Variants in KAZN observed in about 807,000 individuals in gnomAD.
KAZN encodes kazrin, periplakin interacting protein, also known as kazrin.
A neutral mutation model predicts 87.4 loss-of-function variants in KAZN; 40 were observed. The observed-to-expected ratio is 0.46, with a 90% CI of 0.36 to 0.60. KAZN has a LOEUF of 0.60. Ranked by LOEUF, KAZN falls within the 20% of genes least tolerant of loss-of-function variation. The pLI is 0.00. For missense variants in KAZN, 898 were observed against 1,073.9 expected (o/e 0.84, Z 2.29); for synonymous variants, 466 against 458.3 (o/e 1.02, Z -0.22).
At chr1:14,786,453 C>T (rs16850843) in intron 1 of KAZN, among the ~76,000 whole-genome samples, 3,491 of 152,248 alleles carry the variant, frequency 0.023, 132 homozygotes, top group African/African-American at 0.078. Context: ...CTCAATCGTA[C>T]GTCCTTTGTG....
At chr1:14,935,871 C>T (rs1660394213) in intron 1 of KAZN, among the ~76,000 whole-genome samples, 3 of 152,170 alleles carry the variant, frequency 2.0e-5, no homozygotes, top group Non-Finnish European at 4.4e-5. Context: ...GTGGGGCAAG[C>T]GGAGCTGCAG....
intron 2 of KAZN, among the ~76,000 whole-genome samples, chr1:14,578,428 CACTA>C (rs1571972384): frequency 6.6e-6 from 1 of 152,014 alleles, no homozygotes. Flanking sequence ...AATTTAAATA[CACTA>C]ACTGACAGAA....
At chr1:14,377,259 A>G (rs1660988051) in intron 2 of KAZN, among the ~76,000 whole-genome samples, 1 of 152,190 alleles carries the variant, frequency 6.6e-6, no homozygotes, top group Non-Finnish European at 1.5e-5. Context: ...TTGGTTTCCT[A>G]TCCATCAATC....
At chr1:13,935,827 A>AT (rs1306297372) in intron 1 of KAZN, among the ~76,000 whole-genome samples, 1 of 150,398 alleles carries the variant, frequency 6.6e-6, no homozygotes, top group Non-Finnish European at 1.5e-5. Flanking sequence ...CAGATTTCCC[A>AT]TTTCTAGAAT....
At chr1:14,360,612 C>T (rs1459608925) in intron 2 of KAZN, among the ~76,000 whole-genome samples, 9 of 152,230 alleles carry the variant, frequency 5.9e-5, no homozygotes, top group African/African-American at 1.7e-4. Context: ...TGCTGACCTT[C>T]GGAAGGAGTT....
intron 2 of KAZN, among the ~76,000 whole-genome samples, chr1:14,291,303 G>A (rs1384577684): frequency 6.6e-6 from 1 of 152,190 alleles, no homozygotes; most frequent in African/African-American, 2.4e-5. Context: ...GGAATCTACA[G>A]GAGCAATAGG....
At position 15,094,319 on chromosome 1, in the gene KAZN, G is replaced by T; in HGVS notation, c.1362G>T (p.Trp454Cys). The T allele has an allele frequency of 1.9e-6, 3 of 1,613,960 alleles. No homozygotes were observed. The highest frequency in any genetic ancestry group is 2.5e-6 in the Non-Finnish European group (3 of 1,179,872). Residue 454 changes from tryptophan to cysteine, a missense_variant, in exon 9 of 15, where the codon TGG becomes TGT. Transcript: ENST00000376030. This position sits in a 1 kb window ranked among gnomAD's most constrained non-coding sequence, Gnocchi z 4.5. ...GGAAGGCGGGCACCGTCCAGGCCTG[G>T]CTGGAGGTGGTGATGGCCATGCCTA... Reference protein sequence around the residue: ...SHWKAGTVQAWLEVVMAMPMY... With the variant: ...SHWKAGTVQACLEVVMAMPMY...
chr1:14,419,355 C>T (rs978225370), intron 2 of KAZN, among the ~76,000 whole-genome samples: 4 of 152,194 alleles, frequency 2.6e-5, no homozygotes, highest in Non-Finnish European at 5.9e-5. Flanking sequence ...TCCACCCTGC[C>T]CGGCCATCCC....
chr1:14,530,286 C>A (rs752823477), intron 2 of KAZN, among the ~76,000 whole-genome samples: 1 of 152,218 alleles, frequency 6.6e-6, no homozygotes, highest in Non-Finnish European at 1.5e-5. Context: ...AAAGAGCCCG[C>A]TCTAATCCAG....
intron 1 of KAZN, among the ~76,000 whole-genome samples, chr1:14,113,302 A>G (rs1394652169): frequency 6.6e-6 from 1 of 152,222 alleles, no homozygotes; most frequent in East Asian, 1.9e-4. Flanking sequence ...TTCAGTGGCA[A>G]ATACCCTGCC....
intron 2 of KAZN, among the ~76,000 whole-genome samples, chr1:14,577,763 T>C (rs1485629990): frequency 6.6e-6 from 1 of 152,176 alleles, no homozygotes; most frequent in East Asian, 1.9e-4. Context: ...TTCCTGACCA[T>C]TGACAAAGCT....
At chr1:14,913,979 C>T (rs952303599) in intron 1 of KAZN, among the ~76,000 whole-genome samples, 1 of 152,226 alleles carries the variant, frequency 6.6e-6, no homozygotes, top group Non-Finnish European at 1.5e-5. Flanking sequence ...GACACCACAG[C>T]CACTGAAAAC....
intron 1 of KAZN, among the ~76,000 whole-genome samples, chr1:13,927,514 C>T (rs1440474076): frequency 1.3e-5 from 2 of 152,116 alleles, no homozygotes; most frequent in African/African-American, 4.8e-5. Context: ...TGGTCTGTGT[C>T]CCAGGCAGAC....
At chr1:14,004,184 A>G (rs1557776244) in intron 1 of KAZN, among the ~76,000 whole-genome samples, 2 of 152,328 alleles carry the variant, frequency 1.3e-5, no homozygotes, top group South Asian at 2.1e-4. Context: ...AACTATGCCC[A>G]CACCCAATGG....
chr1:14,644,224 C>T (rs1411671682), intron 1 of KAZN, among the ~76,000 whole-genome samples: 1 of 151,502 alleles, frequency 6.6e-6, no homozygotes, highest in Non-Finnish European at 1.5e-5. Context: ...GTTGGCCAGG[C>T]TGGTCTTGAA....
chr1:14,849,785 C>G (rs866134733), intron 1 of KAZN, among the ~76,000 whole-genome samples: 13 of 152,312 alleles, frequency 8.5e-5, no homozygotes, highest in Non-Finnish European at 1.9e-4. Context: ...CTGCCTTTAT[C>G]ATTCATCCAT....
chr1:14,317,493 A>C (rs1233787901), intron 2 of KAZN, among the ~76,000 whole-genome samples: 2 of 151,996 alleles, frequency 1.3e-5, no homozygotes, highest in Non-Finnish European at 2.9e-5. Flanking sequence ...AGTCTCTGCC[A>C]TTTAAATGTA....
At chr1:14,139,222 T>G (rs1263543689) in intron 1 of KAZN, among the ~76,000 whole-genome samples, 1 of 152,210 alleles carries the variant, frequency 6.6e-6, no homozygotes, top group Admixed American at 6.5e-5. Context: ...CAAATTTGCT[T>G]TGCCCATAGC....
intron 2 of KAZN, among the ~76,000 whole-genome samples, chr1:14,374,259 C>T (rs1660725171): frequency 6.6e-6 from 1 of 152,160 alleles, no homozygotes; most frequent in Admixed American, 6.5e-5. Flanking sequence ...ACCACTCACC[C>T]CAGGCAGTTA....
Sources: gnomAD v4.1 joint callset for allele counts (sites outside exome capture counted in the v4.1 genomes callset) on GRCh38, gnomAD v4.1.1 for gene constraint, Gnocchi (gnomAD v3.1) non-coding constraint, MANE v1.5 for transcripts, NCBI Gene and HGNC (gene_info 2026-07-23, HGNC 2026-07-21) for gene names.